PCDHA3: variants seen among roughly 807,000 people sequenced by gnomAD.
The protein encoded by PCDHA3 is protocadherin alpha 3.
PCDHA3 carries 41 observed loss-of-function variants against 62.2 expected under a neutral mutation model. The ratio of observed to expected loss-of-function variants is 0.66; its 90% CI spans 0.51 to 0.86. PCDHA3 has a LOEUF of 0.86. Ranked by LOEUF, PCDHA3 falls within the 40% of genes least tolerant of loss-of-function variation. The pLI is 0.00. For missense variants in PCDHA3, 1,304 were observed against 1,241.2 expected (o/e 1.05, Z -0.76); for synonymous variants, 640 against 555.4 (o/e 1.15, Z -2.14).
At chr5:140,834,244 CT>C in intron 1 of PCDHA3, 1 of 863,716 alleles carries the variant, frequency 1.2e-6, no homozygotes, top group East Asian at 2.5e-5. Flanking sequence ...CCTTTTCGCA[CT>C]GGAAAGACGC....
At chr5:141,007,777 T>G (rs1467527710) in intron 3 of PCDHA3, among the ~76,000 whole-genome samples, 2 of 152,226 alleles carry the variant, frequency 1.3e-5, no homozygotes, top group Non-Finnish European at 2.9e-5. Flanking sequence ...GAAATGGTAC[T>G]GCTTTACAAA....
intron 1 of PCDHA3, chr5:140,868,773 G>T: frequency 3.8e-6 from 1 of 263,102 alleles, no homozygotes. Flanking sequence ...GTTTCAATAT[G>T]ACTTATAATC....
At chr5:140,938,125 A>G (rs1339364898) in intron 1 of PCDHA3, among the ~76,000 whole-genome samples, 1 of 152,120 alleles carries the variant, frequency 6.6e-6, no homozygotes, top group Admixed American at 6.5e-5. Context: ...TTTTTTAAAA[A>G]AATAGAGATA....
chr5:140,940,437 C>T (rs1212783028), intron 1 of PCDHA3, among the ~76,000 whole-genome samples: 1 of 151,730 alleles, frequency 6.6e-6, no homozygotes, highest in Non-Finnish European at 1.5e-5. Context: ...TCAAGTCTGC[C>T]ATGATATTTT....
intron 1 of PCDHA3, chr5:140,968,070 A>T: frequency 6.2e-7 from 1 of 1,614,152 alleles, no homozygotes; most frequent in Non-Finnish European, 8.5e-7. Context: ...GTGGCTGTCT[A>T]CAACATCACG....
At chr5:140,958,746 G>A (rs946339571) in intron 1 of PCDHA3, among the ~76,000 whole-genome samples, 3 of 152,184 alleles carry the variant, frequency 2.0e-5, no homozygotes, top group African/African-American at 7.2e-5. Context: ...AGAGAGAAAG[G>A]AGATTTTTAC....
chr5:140,901,268 T>C (rs185427298), intron 1 of PCDHA3, among the ~76,000 whole-genome samples: 57 of 152,328 alleles, frequency 3.7e-4, no homozygotes, highest in African/African-American at 1.3e-3. Context: ...TGTGGGGTAT[T>C]ACTCAAGAAA....
chr5:140,844,241 C>T (rs1267423212), intron 1 of PCDHA3, among the ~76,000 whole-genome samples: 3 of 149,082 alleles, frequency 2.0e-5, no homozygotes, highest in African/African-American at 7.4e-5. Flanking sequence ...TCACTATTGC[C>T]GTTTTAAGCA....
At chr5:140,948,271 T>C (rs1295867135) in intron 1 of PCDHA3, among the ~76,000 whole-genome samples, 4 of 151,646 alleles carry the variant, frequency 2.6e-5, no homozygotes, top group Non-Finnish European at 5.9e-5. Flanking sequence ...TCATGTAGAA[T>C]ATCTGTAAAT....
intron 1 of PCDHA3, chr5:140,848,340 A>C (rs1781459761): frequency 3.4e-6 from 3 of 893,920 alleles, no homozygotes; most frequent in Admixed American, 2.4e-5. Flanking sequence ...ATCCAGACAA[A>C]TACAGCCCTT....
At chr5:140,993,434 AT>A (rs1243337816) in intron 3 of PCDHA3, among the ~76,000 whole-genome samples, 2 of 150,146 alleles carry the variant, frequency 1.3e-5, no homozygotes, top group Non-Finnish European at 3.0e-5. Flanking sequence ...TAAAATCCTT[AT>A]TCATTCCTGT....
At chr5:140,819,899 A>G (rs1188836600) in intron 1 of PCDHA3, among the ~76,000 whole-genome samples, 1 of 152,028 alleles carries the variant, frequency 6.6e-6, no homozygotes, top group Non-Finnish European at 1.5e-5. Flanking sequence ...TCTGCAGATT[A>G]CAATGTACAC....
At chr5:140,963,319 G>T (rs1554226565) in intron 1 of PCDHA3, among the ~76,000 whole-genome samples, 1 of 152,174 alleles carries the variant, frequency 6.6e-6, no homozygotes, top group East Asian at 1.9e-4. Flanking sequence ...GTTTGTATTA[G>T]AATTACACAG....
At chr5:140,967,059 C>T in intron 1 of PCDHA3, 1 of 1,612,750 alleles carries the variant, frequency 6.2e-7, no homozygotes, top group Non-Finnish European at 8.5e-7. Flanking sequence ...ACGAGTGGAG[C>T]GCTCTTCGTC....
At chr5:140,813,378 A>G (rs1765280639) in intron 1 of PCDHA3, 1 of 152,242 alleles carries the variant, frequency 6.6e-6, no homozygotes, top group Non-Finnish European at 1.5e-5. Context: ...CCTAGGTTAC[A>G]TGATCTATTG....
In PCDHA3 at chr5:140,993,460, TCTCACACA is replaced by T. The variant is rs782648313; in HGVS notation, c.2542+10899_2542+10906del. Among the ~76,000 whole-genome samples, 169 of 104,562 alleles carry T rather than the reference TCTCACACA, an allele frequency of 1.6e-3. 1 individual carries two copies. Among genetic ancestry groups the T allele is most frequent in the East Asian group, 0.012 (43 of 3,448 alleles). 68.6% of individuals were successfully genotyped at this position (104,562 alleles called of 152,430 possible). On this transcript the variant is annotated intron_variant, in intron 3 of 3. Coordinates refer to ENST00000522353, the MANE Select transcript of PCDHA3 (RefSeq NM_018906.3). ...TTCATTCCTGTTCTCCTTCTTTCTT[TCTCACACA>T]CACACACACACACACACACACACAC...
chr5:140,979,110 C>A, intron 2 of PCDHA3, 103 bp downstream of exon 2: 1 of 1,515,726 alleles, frequency 6.6e-7, no homozygotes, highest in East Asian at 2.3e-5. Flanking sequence ...AACTAAAAAG[C>A]TTTAGGTACT....
chr5:140,822,265 A>C, intron 1 of PCDHA3: 1 of 1,614,272 alleles, frequency 6.2e-7, no homozygotes, highest in Non-Finnish European at 8.5e-7. Flanking sequence ...TATTGGAGCA[A>C]ATGCACAATT....
rs2150226438 is a variant in PCDHA3, at chr5:140,834,780, T to A, written c.2394+31189T>A. ...GGACATTAACGACAACCCTCCGGTGTTCCCAGCGACACAAAGGAATCTGTT... is the reference window on the plus strand; with the variant it reads ...GGACATTAACGACAACCCTCCGGTGATCCCAGCGACACAAAGGAATCTGTT... On this transcript the variant is annotated intron_variant, in intron 1 of 3. Coordinates refer to ENST00000522353, the MANE Select transcript of PCDHA3 (RefSeq NM_018906.3). 3.1e-6 allele frequency: 5 copies of A among 1,613,846 alleles called. No homozygotes were observed. The South Asian group carries it at 3.3e-5, about 11-fold the overall frequency.
Sources: gnomAD v4.1 joint callset for allele counts (sites outside exome capture counted in the v4.1 genomes callset) on GRCh38, gnomAD v4.1.1 for gene constraint, MANE v1.5 for transcripts, NCBI Gene and HGNC (gene_info 2026-07-23, HGNC 2026-07-21) for gene names.